Variants in CIP2A observed in about 807,000 individuals in gnomAD.
CIP2A encodes the protein cellular inhibitor of PP2A.
In CIP2A, 103 loss-of-function variants were observed where a neutral mutation model predicts 110.9. The observed-to-expected ratio is 0.93, with a 90% CI of 0.79 to 1.09. The LOEUF is 1.09. Among genes scored for constraint, CIP2A ranks in the 50% least tolerant of loss-of-function variants. The probability of loss-of-function intolerance (pLI) is 0.00; values close to 1 mark genes in which losing one functional copy is unlikely to be tolerated. For synonymous variants in CIP2A, 381 were observed against 361.6 expected (o/e 1.05, Z -0.61); for missense variants, 1,088 against 1,038.4 (o/e 1.05, Z -0.66).
chr3:108,552,065 G>A (rs1045009166), intron 20 of CIP2A, among the ~76,000 whole-genome samples, 169 bp downstream of exon 20: 6 of 152,178 alleles, frequency 3.9e-5, no homozygotes, highest in Non-Finnish European at 1.5e-5. Flanking sequence ...AACTATTTTA[G>A]AAAATACATT....
At chr3:108,572,090 TAA>T (rs1366142312) in intron 8 of CIP2A, among the ~76,000 whole-genome samples, 2 of 152,240 alleles carry the variant, frequency 1.3e-5, no homozygotes, top group East Asian at 1.9e-4. Context: ...ATATTTTGGA[TAA>T]GAGTCCTTTG....
chr3:108,576,360 A>G lies in CIP2A; in HGVS notation c.819-14T>C, dbSNP rs754356670. 26 of 1,274,158 alleles carry G rather than the reference A, an allele frequency of 2.0e-5. No individual in the cohort carries two copies. In the South Asian group the frequency reaches 3.5e-4, roughly 17 times the overall value. 78.9% of individuals were successfully genotyped at this position (1,274,158 alleles called of 1,614,324 possible). The stretch of plus-strand genomic sequence containing the variant: ...AAGTGCTCATATCTAGGTTTAGAAT[A>G]AAAATATACATCAAATGATAAATAT... On this transcript the variant is annotated splice_polypyrimidine_tract_variant and intron_variant, in intron 7 of 20. Coordinates refer to ENST00000295746, the MANE Select transcript of CIP2A (RefSeq NM_020890.3).
intron 17 of CIP2A, 48 bp from the exon 18 acceptor site, chr3:108,554,537 T>C (rs1559688164): frequency 2.6e-6 from 2 of 775,410 alleles, no homozygotes; most frequent in Non-Finnish European, 4.3e-6. Flanking sequence ...GGAAAACATA[T>C]GAAGGAGAAA....
At chr3:108,575,246 CAA>C (rs1938535498) in intron 8 of CIP2A, among the ~76,000 whole-genome samples, 1 of 151,460 alleles carries the variant, frequency 6.6e-6, no homozygotes, top group Non-Finnish European at 1.5e-5. Context: ...TACAAAGTTC[CAA>C]AATATATATG....
At position 108,567,277 on chromosome 3, in the gene CIP2A, T is replaced by C. The variant is rs1054021420; in HGVS notation, c.1274-639A>G. ...TTTTTTACATGTTCTCCAGGTGATT[T>C]TAGGTAGGAAATCAGGGTTGAAAGT... is the stretch of plus-strand genomic sequence containing the variant. On this transcript the variant is annotated intron_variant, in intron 10 of 20. Transcript: ENST00000295746. Among the ~76,000 whole-genome samples the C allele has an allele frequency of 2.0e-5, 3 of 151,708 alleles. No homozygotes were observed. The East Asian group carries it at 5.8e-4, about 29-fold the overall frequency.
intron 8 of CIP2A, among the ~76,000 whole-genome samples, chr3:108,572,863 T>C (rs566754306): frequency 6.6e-6 from 1 of 152,188 alleles, no homozygotes; most frequent in East Asian, 1.9e-4. Context: ...TCACTGGTGA[T>C]AATGAACATT....
rs560683384 is a variant in CIP2A at position 108,553,413 on chromosome 3, C to T, written c.2407+235G>A. 1.3e-3 allele frequency among the ~76,000 whole-genome samples: 199 copies of T among 152,018 alleles called. 1 individual carries two copies. The Middle Eastern group carries it at 0.014, about 10-fold the overall frequency. On this transcript the variant is annotated intron_variant, in intron 19 of 20. Coordinates refer to ENST00000295746, the MANE Select transcript of CIP2A (RefSeq NM_020890.3). ...AAAGTGCTGGGATTACAGGAGTGAG[C>T]CACTGTGCCTGGCCAATTTCTTATA...
chr3:108,561,559 C>T (rs915945547), intron 13 of CIP2A, among the ~76,000 whole-genome samples: 12 of 152,070 alleles, frequency 7.9e-5, no homozygotes, highest in African/African-American at 2.9e-4. Flanking sequence ...GTCCCCGCTA[C>T]TCAGGGGGTT....
At chr3:108,582,261 A>G in intron 3 of CIP2A, 59 bp from the exon 4 acceptor site, 3 of 711,216 alleles carry the variant, frequency 4.2e-6, no homozygotes, top group Non-Finnish European at 6.9e-6. Context: ...TGCTTAAAAT[A>G]ATGGACTCTC....
intron 17 of CIP2A, among the ~76,000 whole-genome samples, chr3:108,556,765 G>A (rs527852540): frequency 6.6e-6 from 1 of 152,204 alleles, no homozygotes; most frequent in Admixed American, 6.5e-5. Flanking sequence ...CATTCTATTA[G>A]GCAGAATGAT....
At chr3:108,575,373 T>C (rs1041584537) in intron 8 of CIP2A, among the ~76,000 whole-genome samples, 1 of 150,352 alleles carries the variant, frequency 6.7e-6, no homozygotes, top group African/African-American at 2.4e-5. Context: ...TACATACACA[T>C]ATACATGTAT....
chr3:108,561,818 G>T (rs1576302337), intron 13 of CIP2A, among the ~76,000 whole-genome samples: 1 of 152,130 alleles, frequency 6.6e-6, no homozygotes, highest in East Asian at 1.9e-4. Context: ...TGCCCAAAGA[G>T]AAAATTATTT....
At chr3:108,569,212 A>T (rs1938299377) in intron 9 of CIP2A, among the ~76,000 whole-genome samples, 177 bp downstream of exon 9, 1 of 142,116 alleles carries the variant, frequency 7.0e-6, no homozygotes, top group Non-Finnish European at 1.5e-5. Context: ...AAAAAAAGGA[A>T]AACACTAATA....
intron 8 of CIP2A, among the ~76,000 whole-genome samples, chr3:108,573,348 A>T (rs1226258670): frequency 6.6e-6 from 1 of 152,032 alleles, no homozygotes; most frequent in African/African-American, 2.4e-5. Context: ...AAGACACTCA[A>T]CTATATCTTC....
In CIP2A at chr3:108,557,369, C is replaced by G; in HGVS notation, c.2059G>C (p.Glu687Gln). ...SMLREVERKNEELSVLLKAQQ... is the reference protein window; with the variant it reads ...SMLREVERKNQELSVLLKAQQ... Reference sequence around the variant, plus strand: ...GCCTTCAGCAACACACTAAGCTCTTCATTTTTTCTCTCAACTTCTCTCAAC... The same window carrying G: ...GCCTTCAGCAACACACTAAGCTCTTGATTTTTTCTCTCAACTTCTCTCAAC... Residue 687 changes from glutamate to glutamine, a missense_variant, in exon 17 of 21, where the codon GAA becomes CAA. Physicochemically the swap from Glu to Gln is conservative, Grantham distance 29 (BLOSUM62 2). Coordinates refer to ENST00000295746, the MANE Select transcript of CIP2A (RefSeq NM_020890.3). The G allele has an allele frequency of 6.2e-7, 1 of 1,608,534 alleles. No individual in the cohort carries two copies. The highest frequency in any genetic ancestry group is 8.5e-7 in the Non-Finnish European group (1 of 1,176,540).
At chr3:108,559,023 A>T (rs1218030793) in intron 16 of CIP2A, among the ~76,000 whole-genome samples, 1 of 152,120 alleles carries the variant, frequency 6.6e-6, no homozygotes. Context: ...CGGCTAGGTG[A>T]AGGGGGTAGA....
At chr3:108,569,669 T>C (rs1159492392) in intron 8 of CIP2A, 62 bp from the exon 9 acceptor site, 3 of 1,242,562 alleles carry the variant, frequency 2.4e-6, no homozygotes, top group African/African-American at 3.0e-5. Context: ...ACAAAGCAAG[T>C]GTATGATGAA....
chr3:108,558,450 C>A (rs920733953), intron 16 of CIP2A, among the ~76,000 whole-genome samples: 1 of 152,038 alleles, frequency 6.6e-6, no homozygotes, highest in Non-Finnish European at 1.5e-5. Context: ...AGTAAGTTCA[C>A]TCTTAAGGTA....
At chr3:108,566,358 ATTCATTATG>A in intron 11 of CIP2A, 130 bp downstream of exon 11, 1 of 629,790 alleles carries the variant, frequency 1.6e-6, no homozygotes, top group South Asian at 2.6e-5. Flanking sequence ...TTTACAAAAA[ATTCATTATG>A]AAAATATGTT....
Sources: allele counts gnomAD v4.1 joint callset (sites outside exome capture counted in the v4.1 genomes callset), GRCh38; gene constraint gnomAD v4.1.1; transcripts MANE v1.5; gene names NCBI Gene and HGNC (gene_info 2026-07-23, HGNC 2026-07-21).